The following NCS1 variants were observed in gnomAD, a reference collection of about 807,000 sequenced individuals.
NCS1 encodes the protein frequenin homolog.
In NCS1, 6 loss-of-function variants were observed where a neutral mutation model predicts 28.4. The ratio of observed to expected loss-of-function variants is 0.21; its 90% CI spans 0.12 to 0.42. The LOEUF (loss-of-function observed/expected upper bound fraction) is 0.42. Among genes scored for constraint, NCS1 ranks in the 10% least tolerant of loss-of-function variants. The pLI is 1.00. For synonymous variants in NCS1, 86 were observed against 99.3 expected (o/e 0.87, Z 0.79); for missense variants, 131 against 241.4 (o/e 0.54, Z 3.03).
chr9:130,223,993 C>T (rs1053842655), intron 6 of NCS1, among the ~76,000 whole-genome samples: 3 of 151,856 alleles, frequency 2.0e-5, no homozygotes, highest in Non-Finnish European at 4.4e-5. Flanking sequence ...ACTACAGGCG[C>T]ATGCCACCAT....
chr9:130,177,508 T>C lies in NCS1; in HGVS notation c.64+4781T>C, dbSNP rs561949131. On this transcript the variant is annotated intron_variant, in intron 1 of 7. Transcript: ENST00000372398. The surrounding 1 kb of genome is among the most constrained non-coding windows in gnomAD (Gnocchi z 4.4). The stretch of plus-strand genomic sequence containing the variant: ...GCTTCGGCCGTCCCTGTACATCCCG[T>C]GTGCGTGGGCATGAACCAAGGAGGC... 2.6e-5 allele frequency among the ~76,000 whole-genome samples: 4 copies of C among 152,278 alleles called. No individual in the cohort carries two copies. In the East Asian group the frequency reaches 5.8e-4, roughly 22 times the overall value.
Position 130,236,843 on chromosome 9 carries a change from C to A in NCS1, c.*3871C>A, listed in dbSNP as rs1386126330. 2 of 152,126 alleles carry A rather than the reference C, an allele frequency of 1.3e-5. No homozygotes were observed. Among genetic ancestry groups the A allele is most frequent in the African/African-American group, 4.8e-5 (2 of 41,426 alleles). 9.4% of individuals were successfully genotyped at this position (152,126 alleles called of 1,614,324 possible). ...GGACTTTGCGCAAGTCAGTTCTGCT[C>A]ATTGGGTCTCAATTTCCCCATCCCT... On this transcript the variant is annotated 3_prime_UTR_variant, in exon 8 of 8. Transcript: ENST00000372398.
intron 2 of NCS1, among the ~76,000 whole-genome samples, chr9:130,207,632 T>C (rs2131141398): frequency 1.3e-5 from 2 of 152,290 alleles, no homozygotes; most frequent in Middle Eastern, 3.4e-3. Flanking sequence ...GGCCGCAAAG[T>C]CAGTAGAAGC....
At chr9:130,230,974 T>C (rs1833493880) in intron 7 of NCS1, among the ~76,000 whole-genome samples, 1 of 152,214 alleles carries the variant, frequency 6.6e-6, no homozygotes, top group African/African-American at 2.4e-5. Context: ...TTTCCTGTTA[T>C]CTTACTCTTT....
chr9:130,185,631 C>A (rs1188497415), intron 1 of NCS1, among the ~76,000 whole-genome samples: 1 of 152,240 alleles, frequency 6.6e-6, no homozygotes, highest in African/African-American at 2.4e-5. Context: ...TTGTAGGAAC[C>A]GAAAGATTCC....
intron 1 of NCS1, among the ~76,000 whole-genome samples, chr9:130,183,563 T>C (rs1160385856): frequency 6.6e-6 from 1 of 152,108 alleles, no homozygotes; most frequent in Non-Finnish European, 1.5e-5. Flanking sequence ...CCTTTCTCTC[T>C]CTCCAGCTGT....
intron 2 of NCS1, among the ~76,000 whole-genome samples, chr9:130,208,266 A>C (rs571039775): frequency 6.7e-6 from 1 of 150,236 alleles, no homozygotes; most frequent in Non-Finnish European, 1.5e-5. Flanking sequence ...TATGTGTCCT[A>C]TTTTCCAACT....
In NCS1 at chr9:130,180,045, AT is replaced by A. The variant is rs1554905018; in HGVS notation, c.64+7319del. On this transcript the variant is annotated intron_variant, in intron 1 of 7. Transcript: ENST00000372398. The surrounding 1 kb of genome is among the most constrained non-coding windows in gnomAD (Gnocchi z 4.5). ...TATCTATCTATCTATCTATCTATCT[AT>A]CTATCGAGATGGAATCTCACTTCCG... Among the ~76,000 whole-genome samples the A allele has an allele frequency of 7.9e-6, 1 of 127,108 alleles. No individual in the cohort carries two copies. Among genetic ancestry groups the A allele is most frequent in the African/African-American group, 3.0e-5 (1 of 33,628 alleles). The allele number at this position is 127,108 out of a possible 152,430, so 83.4% of individuals were successfully genotyped here. A position where few individuals can be genotyped will look rare whatever the true frequency, so the allele number is the denominator to read the frequency against.
chr9:130,190,350 C>G (rs1451414235), intron 1 of NCS1, among the ~76,000 whole-genome samples: 12 of 152,162 alleles, frequency 7.9e-5, no homozygotes, highest in African/African-American at 2.9e-4. Flanking sequence ...ATTTCTCATA[C>G]AGCTTCTCTG....
intron 4 of NCS1, 121 bp from the exon 5 acceptor site, chr9:130,222,529 T>C: frequency 1.3e-6 from 1 of 758,438 alleles, no homozygotes; most frequent in Non-Finnish European, 2.4e-6. Context: ...TTAGTTGACC[T>C]GATGAGGAAT....
At chr9:130,222,785 G>A in intron 5 of NCS1, 47 bp downstream of exon 5, 1 of 1,568,134 alleles carries the variant, frequency 6.4e-7, no homozygotes. Flanking sequence ...GAGGGGCAAA[G>A]CCAGTGACTG....
chr9:130,187,398 C>T (rs1458217096), intron 1 of NCS1, among the ~76,000 whole-genome samples: 2 of 152,160 alleles, frequency 1.3e-5, no homozygotes, highest in African/African-American at 4.8e-5. Flanking sequence ...CTCCACCCTC[C>T]GCTCTTAAAG....
intron 2 of NCS1, among the ~76,000 whole-genome samples, chr9:130,206,948 G>A (rs76065581): frequency 0.076 from 11,610 of 152,214 alleles, 517 homozygotes; most frequent in Middle Eastern, 0.13. Context: ...AGCTTCAGCC[G>A]AGGAAGTGGC....
At position 130,192,823 on chromosome 9, in the gene NCS1, AG is replaced by A. The variant is rs1196111223; in HGVS notation, c.65-8134del. On this transcript the variant is annotated intron_variant, in intron 1 of 7. Coordinates refer to ENST00000372398, the MANE Select transcript of NCS1 (RefSeq NM_014286.4). The surrounding 1 kb of genome is among the most constrained non-coding windows in gnomAD (Gnocchi z 4.8). ...GCAGGTGGCTGCTTCCCAGCCCTCGAGTGTAGCAGGACCCCAGTGGGAACCC... is the reference window on the plus strand; with the variant it reads ...GCAGGTGGCTGCTTCCCAGCCCTCGATGTAGCAGGACCCCAGTGGGAACCC... 2.6e-4 allele frequency among the ~76,000 whole-genome samples: 39 copies of A among 152,046 alleles called. No homozygotes were observed. The highest frequency in any genetic ancestry group is 9.4e-4 in the African/African-American group (39 of 41,416).
rs530570463 is a variant in NCS1 at position 130,192,253 on chromosome 9, G to A, written c.65-8705G>A. 1.2e-3 allele frequency among the ~76,000 whole-genome samples: 183 copies of A among 152,294 alleles called. No individual in the cohort carries two copies. Among genetic ancestry groups the A allele is most frequent in the Non-Finnish European group, 1.9e-3 (126 of 68,016 alleles). ...CTGCCTCGTGCCAGGCAGCTCCTGC[G>A]TCTGCTGTCACGTTACTCTGAGCTT... is the stretch of plus-strand genomic sequence containing the variant. On this transcript the variant is annotated intron_variant, in intron 1 of 7. Coordinates refer to ENST00000372398, the MANE Select transcript of NCS1 (RefSeq NM_014286.4). This position sits in a 1 kb window ranked among gnomAD's most constrained non-coding sequence, Gnocchi z 4.8.
chr9:130,231,208 G>T (rs1833497204), intron 7 of NCS1, among the ~76,000 whole-genome samples: 1 of 151,846 alleles, frequency 6.6e-6, no homozygotes, highest in African/African-American at 2.4e-5. Context: ...AAAATTAGCT[G>T]GGTGTGGTGG....
intron 1 of NCS1, among the ~76,000 whole-genome samples, chr9:130,198,604 A>C (rs559507811): frequency 6.6e-6 from 1 of 152,170 alleles, no homozygotes; most frequent in Admixed American, 6.5e-5. Context: ...TGGAACTTCA[A>C]TTCCTCATTG....
intron 4 of NCS1, among the ~76,000 whole-genome samples, chr9:130,221,441 G>GAGAA (rs1554910439): frequency 1.3e-3 from 175 of 135,244 alleles, no homozygotes; most frequent in Non-Finnish European, 2.5e-3. Flanking sequence ...GAGAGAGAGA[G>GAGAA]AGAGAGAGAG....
intron 6 of NCS1, among the ~76,000 whole-genome samples, chr9:130,225,336 T>G (rs2131158924): frequency 6.6e-6 from 1 of 152,358 alleles, no homozygotes; most frequent in East Asian, 1.9e-4. Context: ...TAGCCCATGT[T>G]AGAGGAGTGG....
Sources: allele counts gnomAD v4.1 joint callset (sites outside exome capture counted in the v4.1 genomes callset), GRCh38; gene constraint gnomAD v4.1.1; non-coding constraint Gnocchi (gnomAD v3.1); transcripts MANE v1.5; gene names NCBI Gene and HGNC (gene_info 2026-07-23, HGNC 2026-07-21).